The following DTWD2 variants were observed in gnomAD, a reference collection of about 807,000 sequenced individuals.
The protein encoded by DTWD2 is DTW motif tRNA-uridine aminocarboxypropyltransferase 2, also known as tRNA-uridine aminocarboxypropyltransferase 2.
Under a neutral mutation model 31.8 loss-of-function variants are expected in DTWD2, and 39 were observed. The ratio of observed to expected loss-of-function variants is 1.22; its 90% CI spans 0.95 to 1.60. The LOEUF is 1.60. Ranked by LOEUF, DTWD2 falls within the 40% of genes most tolerant of loss-of-function variation. The probability of loss-of-function intolerance (pLI) is 0.00; values close to 1 mark genes in which losing one functional copy is unlikely to be tolerated. For synonymous variants in DTWD2, 180 were observed against 142.8 expected, an observed-to-expected ratio of 1.26 and a Z score of -1.86; for missense variants, 515 against 381.5, an observed-to-expected ratio of 1.35 and a Z score of -2.92.
intron 4 of DTWD2, among the ~76,000 whole-genome samples, chr5:118,915,661 A>T (rs1019495697): frequency 6.6e-6 from 1 of 152,350 alleles, no homozygotes; most frequent in South Asian, 2.1e-4. Context: ...GGCGTGAGCC[A>T]CTACGCCCGG....
At chr5:118,842,173 T>C (rs897283695) in intron 5 of DTWD2, among the ~76,000 whole-genome samples, 6 of 152,206 alleles carry the variant, frequency 3.9e-5, no homozygotes, top group Non-Finnish European at 7.3e-5. Context: ...ATTAAATTTA[T>C]TTATTGTGAT....
chr5:118,844,653 A>G (rs142273205), intron 5 of DTWD2, among the ~76,000 whole-genome samples: 135 of 152,348 alleles, frequency 8.9e-4, no homozygotes, highest in African/African-American at 2.9e-3. Flanking sequence ...AGTGATGATA[A>G]TAAGTTGTAA....
intron 4 of DTWD2, among the ~76,000 whole-genome samples, chr5:118,922,760 A>T (rs140320824): frequency 6.6e-6 from 1 of 152,158 alleles, no homozygotes; most frequent in Non-Finnish European, 1.5e-5. Context: ...CACACTTTTA[A>T]ATCATCCTTC....
chr5:118,931,990 A>G (rs1011297001), intron 3 of DTWD2, among the ~76,000 whole-genome samples: 3 of 152,218 alleles, frequency 2.0e-5, no homozygotes, highest in African/African-American at 4.8e-5. Context: ...GGGTCAAGAG[A>G]TAAGTCCCAA....
intron 4 of DTWD2, among the ~76,000 whole-genome samples, chr5:118,899,158 C>T (rs939334591): frequency 1.3e-5 from 2 of 152,220 alleles, no homozygotes; most frequent in Non-Finnish European, 2.9e-5. Flanking sequence ...GATTCCACTA[C>T]GTGGCCCGCA....
chr5:118,896,721 C>T (rs574318452), intron 4 of DTWD2, among the ~76,000 whole-genome samples: 1 of 152,228 alleles, frequency 6.6e-6, no homozygotes, highest in South Asian at 2.1e-4. Context: ...TGAGCTATTT[C>T]AGAAGTATAA....
Position 118,980,540 on chromosome 5 carries a change from G to C in DTWD2, c.218+7754C>G, listed in dbSNP as rs188769706. Among the ~76,000 whole-genome samples the C allele has an allele frequency of 3.8e-3, 573 of 152,230 alleles. 3 individuals carry two copies. Among genetic ancestry groups the C allele is most frequent in the African/African-American group, 0.013 (539 of 41,562 alleles). On this transcript the variant is annotated intron_variant, in intron 1 of 5. Transcript: ENST00000510708. ...ATTTTTCCAAAGAAGATATGCAAAT[G>C]GCCAAAAAGCACATGAGAAGATGTT...
intron 4 of DTWD2, among the ~76,000 whole-genome samples, chr5:118,890,625 C>T (rs1185345430): frequency 2.5e-5 from 3 of 120,580 alleles, no homozygotes; most frequent in Non-Finnish European, 4.7e-5. Context: ...GGCTGGAGTG[C>T]AGTGGCACAA....
intron 1 of DTWD2, among the ~76,000 whole-genome samples, chr5:118,968,551 C>A (rs1455717777): frequency 1.3e-5 from 2 of 152,142 alleles, no homozygotes; most frequent in Non-Finnish European, 2.9e-5. Flanking sequence ...CCTACCCCAG[C>A]CAAGGGAGGC....
intron 1 of DTWD2, among the ~76,000 whole-genome samples, chr5:118,981,370 T>G (rs1010325015): frequency 6.6e-6 from 1 of 152,162 alleles, no homozygotes; most frequent in Non-Finnish European, 1.5e-5. Context: ...GTTACCACAA[T>G]TTTTGAAAAA....
chr5:118,976,258 C>A (rs1283286151), intron 1 of DTWD2, among the ~76,000 whole-genome samples: 2 of 152,062 alleles, frequency 1.3e-5, no homozygotes, highest in East Asian at 1.9e-4. Context: ...AAAATCAACA[C>A]CCTAATATCA....
intron 4 of DTWD2, among the ~76,000 whole-genome samples, chr5:118,857,744 C>T (rs938942202): frequency 1.4e-4 from 22 of 152,178 alleles, no homozygotes; most frequent in Non-Finnish European, 3.1e-4. Flanking sequence ...ATACACAGTG[C>T]TGGGCATGTG....
chr5:118,861,564 A>C (rs751997496), intron 4 of DTWD2, among the ~76,000 whole-genome samples: 3 of 151,236 alleles, frequency 2.0e-5, no homozygotes, highest in Non-Finnish European at 4.4e-5. Flanking sequence ...CATAGGTTTT[A>C]ACGAAACTGA....
At chr5:118,851,414 G>A (rs1752002254) in intron 4 of DTWD2, among the ~76,000 whole-genome samples, 1 of 151,960 alleles carries the variant, frequency 6.6e-6, no homozygotes, top group African/African-American at 2.4e-5. Flanking sequence ...GCCCACCTGA[G>A]TCACAAAACC....
At chr5:118,937,240 C>G (rs1180455104) in intron 3 of DTWD2, among the ~76,000 whole-genome samples, 1 of 152,028 alleles carries the variant, frequency 6.6e-6, no homozygotes, top group African/African-American at 2.4e-5. Context: ...ATGCATTTCA[C>G]AAAACTCAAC....
chr5:118,905,544 T>C (rs1399044639), intron 4 of DTWD2, among the ~76,000 whole-genome samples: 1 of 152,158 alleles, frequency 6.6e-6, no homozygotes, highest in Non-Finnish European at 1.5e-5. Flanking sequence ...ACAAATGTTA[T>C]TTGTTTCTCA....
chr5:118,868,775 G>A (rs1254716046), intron 4 of DTWD2, among the ~76,000 whole-genome samples: 3 of 150,858 alleles, frequency 2.0e-5, no homozygotes, highest in Non-Finnish European at 2.9e-5. Context: ...GGAAGTCGAG[G>A]CTGCAGTGAA....
intron 1 of DTWD2, among the ~76,000 whole-genome samples, chr5:118,980,851 T>C (rs1231073974): frequency 1.3e-5 from 2 of 152,172 alleles, no homozygotes; most frequent in Non-Finnish European, 2.9e-5. Flanking sequence ...AAAATATATA[T>C]TTAAAACAAA....
At chr5:118,929,757 G>C (rs143095713) in intron 3 of DTWD2, among the ~76,000 whole-genome samples, 67 of 152,316 alleles carry the variant, frequency 4.4e-4, no homozygotes, top group African/African-American at 1.5e-3. Flanking sequence ...GCCTTGAAAA[G>C]CTGTTGCATC....
Sources: allele counts gnomAD v4.1 joint callset (sites outside exome capture counted in the v4.1 genomes callset), GRCh38; gene constraint gnomAD v4.1.1; transcripts MANE v1.5; gene names NCBI Gene and HGNC (gene_info 2026-07-23, HGNC 2026-07-21).